Variants in MAGI1 observed in about 807,000 individuals in gnomAD.
The protein encoded by MAGI1 is membrane associated guanylate kinase, WW and PDZ domain containing 1.
MAGI1 carries 58 observed loss-of-function variants against 139.9 expected under a neutral mutation model. The observed-to-expected ratio is 0.41, with a 90% CI of 0.34 to 0.52. The LOEUF is 0.52. Ranked by LOEUF, MAGI1 falls within the 20% of genes least tolerant of loss-of-function variation. The pLI is 0.12. For missense variants in MAGI1, 1,874 were observed against 1,901.6 expected, an observed-to-expected ratio of 0.99 and a Z score of 0.27; for synonymous variants, 812 against 737.9, an observed-to-expected ratio of 1.10 and a Z score of -1.63.
chr3:65,471,210 C>T (rs1229819268), intron 4 of MAGI1, among the ~76,000 whole-genome samples: 1 of 152,088 alleles, frequency 6.6e-6, no homozygotes, highest in Non-Finnish European at 1.5e-5. Context: ...TCCTTGCCTT[C>T]TTATTAACTA....
At chr3:65,580,330 T>C (rs2081360836) in intron 2 of MAGI1, among the ~76,000 whole-genome samples, 1 of 148,744 alleles carries the variant, frequency 6.7e-6, no homozygotes, top group South Asian at 2.2e-4. Context: ...TTTTTTTTTC[T>C]TGGCCAAGTA....
intron 1 of MAGI1, among the ~76,000 whole-genome samples, chr3:65,741,706 T>G (rs1334799809): frequency 6.6e-6 from 1 of 152,162 alleles, no homozygotes. Flanking sequence ...GTTAATGGCT[T>G]TAATGCTGAG....
chr3:65,775,376 G>T (rs1037549437), intron 1 of MAGI1, among the ~76,000 whole-genome samples: 7 of 151,206 alleles, frequency 4.6e-5, no homozygotes, highest in African/African-American at 1.7e-4. Context: ...TTGAGCCTAG[G>T]ACTTGGAGGT....
chr3:65,497,795 T>C (rs1576027272), intron 2 of MAGI1, among the ~76,000 whole-genome samples: 1 of 152,292 alleles, frequency 6.6e-6, no homozygotes, highest in South Asian at 2.1e-4. Flanking sequence ...ACGTCAAAAA[T>C]GCTACATTTC....
chr3:65,820,927 C>T (rs1264282230), intron 1 of MAGI1, among the ~76,000 whole-genome samples: 2 of 152,142 alleles, frequency 1.3e-5, no homozygotes, highest in East Asian at 3.9e-4. Flanking sequence ...TCTAATTTTT[C>T]TGACTGGGTC....
Position 65,357,005 on chromosome 3 carries a change from T to G in MAGI1, c.3762A>C (p.Ser1254=), listed in dbSNP as rs767254242. The stretch of plus-strand genomic sequence containing the variant: ...CGTGTGCCCGCTTTTCCCCATGTGG[T>G]GATGATTTGTGAAGATCGGGTGGGT... The part of the protein sequence containing the change: ...SSYPPDLHKS[S]PHGEKRAHAR... The change falls in exon 23 of 23, where the codon TCA becomes TCC. Residue 1254 remains serine (S), a synonymous_variant. Transcript: ENST00000402939. The G allele has an allele frequency of 2.5e-6, 4 of 1,614,158 alleles. No individual in the cohort carries two copies. The South Asian group carries it at 4.4e-5, about 18-fold the overall frequency.
chr3:65,469,539 C>T (rs1344276854), intron 5 of MAGI1, among the ~76,000 whole-genome samples: 1 of 151,560 alleles, frequency 6.6e-6, no homozygotes, highest in Non-Finnish European at 1.5e-5. Flanking sequence ...ATCTGAAAGA[C>T]TTTCCTGTCT....
intron 22 of MAGI1, chr3:65,360,351 C>CTTTTTTTTTT (rs533416565): frequency 1.4e-6 from 1 of 716,018 alleles, no homozygotes; most frequent in Non-Finnish European, 1.7e-6. Flanking sequence ...ATAGCTTCTT[C>CTTTTTTTTTT]TTTTTTTTTT....
In MAGI1 at chr3:65,660,568, A is replaced by G. The variant is rs564853993; in HGVS notation, c.314-38480T>C. ...TGAAATCAACGCATTCAATGCAAACAAAGATTATTATTGTCTTCTGGAAAA... is the reference window on the plus strand; with the variant it reads ...TGAAATCAACGCATTCAATGCAAACGAAGATTATTATTGTCTTCTGGAAAA... On this transcript the variant is annotated intron_variant, in intron 1 of 22. Transcript: ENST00000402939. 3.0e-3 allele frequency among the ~76,000 whole-genome samples: 458 copies of G among 152,354 alleles called. 4 individuals carry two copies. The highest frequency in any genetic ancestry group is 4.9e-3 in the Admixed American group (75 of 15,304).
At chr3:65,420,901 C>T (rs1044044627) in intron 12 of MAGI1, among the ~76,000 whole-genome samples, 2 of 152,182 alleles carry the variant, frequency 1.3e-5, no homozygotes, top group African/African-American at 4.8e-5. Flanking sequence ...GTGTGCCAAC[C>T]ACTTTGCATT....
At position 65,442,154 on chromosome 3, in the gene MAGI1, A is replaced by G. The variant is rs116389813; in HGVS notation, c.1136+638T>C. On this transcript the variant is annotated intron_variant, in intron 8 of 22. Transcript: ENST00000402939. Reference sequence around the variant, plus strand: ...TCCTATCCATCAACAGTTTTGATGAAAGGAAAAAGTGGGAGCCCAATGCTA... The same window carrying G: ...TCCTATCCATCAACAGTTTTGATGAGAGGAAAAAGTGGGAGCCCAATGCTA... 1.1e-3 allele frequency among the ~76,000 whole-genome samples: 170 copies of G among 151,938 alleles called. 1 individual carries two copies. The highest frequency in any genetic ancestry group is 3.9e-3 in the African/African-American group (162 of 41,412).
At chr3:65,771,787 G>C (rs2037973065) in intron 1 of MAGI1, among the ~76,000 whole-genome samples, 1 of 152,156 alleles carries the variant, frequency 6.6e-6, no homozygotes, top group Non-Finnish European at 1.5e-5. Flanking sequence ...GGAATCCCCA[G>C]TGCTGTATGG....
At chr3:65,725,501 A>G (rs1022785024) in intron 1 of MAGI1, among the ~76,000 whole-genome samples, 1 of 152,216 alleles carries the variant, frequency 6.6e-6, no homozygotes, top group Non-Finnish European at 1.5e-5. Context: ...ATTATCAGAC[A>G]GTCTTCCATT....
intron 1 of MAGI1, among the ~76,000 whole-genome samples, chr3:65,944,917 T>G (rs956388439): frequency 6.6e-6 from 1 of 152,244 alleles, no homozygotes; most frequent in Admixed American, 6.5e-5. Flanking sequence ...ATATTCATTA[T>G]GTAATATTAG....
rs1465258049 is a variant in MAGI1 at position 65,808,579 on chromosome 3, A to G, written c.314-186491T>C. ...CTGAGCCTCATTTACTTCCAGCACAATGATTTTATGGGTCAAGGGACAATA... is the reference window on the plus strand; with the variant it reads ...CTGAGCCTCATTTACTTCCAGCACAGTGATTTTATGGGTCAAGGGACAATA... On this transcript the variant is annotated intron_variant, in intron 1 of 22. Transcript: ENST00000402939. Among the ~76,000 whole-genome samples the G allele has an allele frequency of 3.3e-5, 5 of 152,318 alleles. No homozygotes were observed. In the East Asian group the frequency reaches 9.7e-4, roughly 29 times the overall value.
At chr3:65,623,923 C>T (rs2083822345) in intron 1 of MAGI1, among the ~76,000 whole-genome samples, 1 of 152,100 alleles carries the variant, frequency 6.6e-6, no homozygotes, top group African/African-American at 2.4e-5. Flanking sequence ...TGAATGAAGA[C>T]ACCCACATGC....
chr3:65,597,701 T>C (rs541952411), intron 2 of MAGI1: 4 of 456,382 alleles, frequency 8.8e-6, no homozygotes, highest in Admixed American at 2.4e-5. Flanking sequence ...AGGGAGCCTC[T>C]GCCGCCGCCT....
chr3:65,975,165 A>T (rs1245868275), intron 1 of MAGI1, among the ~76,000 whole-genome samples: 1 of 152,124 alleles, frequency 6.6e-6, no homozygotes, highest in African/African-American at 2.4e-5. Context: ...AAATGATTGA[A>T]ATGTTCTTCC....
At chr3:65,988,823 A>AT (rs1489031126) in intron 1 of MAGI1, among the ~76,000 whole-genome samples, 2 of 152,126 alleles carry the variant, frequency 1.3e-5, no homozygotes, top group East Asian at 1.9e-4. Context: ...TTCCTATTCT[A>AT]TTTTTTATCA....
Sources: gnomAD v4.1 joint callset for allele counts (sites outside exome capture counted in the v4.1 genomes callset) on GRCh38, gnomAD v4.1.1 for gene constraint, MANE v1.5 for transcripts, NCBI Gene and HGNC (gene_info 2026-07-23, HGNC 2026-07-21) for gene names.